The following UTRN variants were observed in gnomAD, a reference collection of about 807,000 sequenced individuals.
The protein encoded by UTRN is dystrophin-related protein 1.
Under a neutral mutation model 463.9 loss-of-function variants are expected in UTRN, and 283 were observed. That is an observed-to-expected ratio of 0.61 (90% CI 0.55 to 0.67). The LOEUF is 0.67. Among genes scored for constraint, UTRN ranks in the 30% least tolerant of loss-of-function variants. UTRN has a pLI of 0.00. For synonymous variants in UTRN, 1,442 were observed against 1,431.5 expected, an observed-to-expected ratio of 1.01 and a Z score of -0.17; for missense variants, 3,922 against 4,084.3, an observed-to-expected ratio of 0.96 and a Z score of 1.08.
At chr6:144,389,613 C>G (rs1034942264) in intron 2 of UTRN, among the ~76,000 whole-genome samples, 2 of 151,228 alleles carry the variant, frequency 1.3e-5, no homozygotes, top group African/African-American at 4.9e-5. Flanking sequence ...TTTTTTCCCC[C>G]CCTGAGACGG....
chr6:144,320,214 G>A (rs151037131), intron 2 of UTRN, among the ~76,000 whole-genome samples: 98 of 152,332 alleles, frequency 6.4e-4, no homozygotes, highest in African/African-American at 2.2e-3. Context: ...ATTCTATTGT[G>A]TCTTAACAGA....
At chr6:144,347,637 G>C (rs1777696129) in intron 2 of UTRN, among the ~76,000 whole-genome samples, 1 of 152,136 alleles carries the variant, frequency 6.6e-6, no homozygotes, top group African/African-American at 2.4e-5. Context: ...AGGGGAACAG[G>C]TGGCTGATCT....
intron 35 of UTRN, 74 bp downstream of exon 35, chr6:144,511,197 G>T: frequency 7.5e-7 from 1 of 1,337,796 alleles, no homozygotes. Context: ...ATACAACTTT[G>T]ATTAAATTTC....
chr6:144,377,148 G>A (rs973118466), intron 2 of UTRN, among the ~76,000 whole-genome samples: 7 of 151,918 alleles, frequency 4.6e-5, no homozygotes, highest in African/African-American at 7.2e-5. Flanking sequence ...AGTGATTCTC[G>A]TGCCTCAGCC....
At chr6:144,559,185 A>G (rs1328012367) in intron 50 of UTRN, among the ~76,000 whole-genome samples, 1 of 152,092 alleles carries the variant, frequency 6.6e-6, no homozygotes, top group Non-Finnish European at 1.5e-5. Context: ...GGAAGAGGCA[A>G]TTAAAAATGA....
intron 51 of UTRN, among the ~76,000 whole-genome samples, chr6:144,598,376 G>A (rs10081013): frequency 0.069 from 10,497 of 152,224 alleles, 748 homozygotes; most frequent in African/African-American, 0.18. Flanking sequence ...GGAATCAATC[G>A]AAGGGAGTGT....
At chr6:144,467,184 G>A (rs1790040749) in intron 23 of UTRN, among the ~76,000 whole-genome samples, 3 of 152,160 alleles carry the variant, frequency 2.0e-5, no homozygotes, top group African/African-American at 7.2e-5. Flanking sequence ...CTAGACTATT[G>A]CCTTTCTCTG....
chr6:144,774,998 T>G (rs1208340951), intron 60 of UTRN, among the ~76,000 whole-genome samples: 1 of 152,212 alleles, frequency 6.6e-6, no homozygotes, highest in African/African-American at 2.4e-5. Flanking sequence ...ATCTGGATTC[T>G]ATTTGTGGTT....
intron 2 of UTRN, among the ~76,000 whole-genome samples, chr6:144,365,129 C>G (rs566025957): frequency 2.0e-5 from 3 of 152,180 alleles, no homozygotes; most frequent in Non-Finnish European, 4.4e-5. Context: ...CATTGCGTAG[C>G]TCTTGATTTT....
intron 51 of UTRN, among the ~76,000 whole-genome samples, chr6:144,615,209 A>G (rs1302659362): frequency 1.3e-5 from 2 of 152,116 alleles, no homozygotes; most frequent in Non-Finnish European, 2.9e-5. Flanking sequence ...AGTATTATAT[A>G]TTATAATATT....
chr6:144,808,466 CA>C (rs1778337249), intron 65 of UTRN, among the ~76,000 whole-genome samples: 2 of 151,870 alleles, frequency 1.3e-5, no homozygotes, highest in African/African-American at 2.4e-5. Context: ...TGTAAGTAAC[CA>C]AAATTTAATT....
chr6:144,687,110 T>G (rs1176516667), intron 52 of UTRN, among the ~76,000 whole-genome samples: 2 of 152,190 alleles, frequency 1.3e-5, no homozygotes, highest in Non-Finnish European at 2.9e-5. Flanking sequence ...CATTCCTGCG[T>G]CCCTGGGATG....
Position 144,782,928 on chromosome 6 carries a change from G to A in UTRN, c.8834+805G>A, listed in dbSNP as rs565211414. Among the ~76,000 whole-genome samples the A allele has an allele frequency of 2.6e-5, 4 of 152,254 alleles. 1 individual carries two copies. The highest frequency in any genetic ancestry group is 3.9e-4 in the East Asian group (2 of 5,184). ...AACTAGAACTGGGCTGGGCACGGTG[G>A]CTCCCGCCTGTAATCCCAGCACTTT... On this transcript the variant is annotated intron_variant, in intron 61 of 74. Transcript: ENST00000367545.
intron 51 of UTRN, among the ~76,000 whole-genome samples, chr6:144,663,059 T>C (rs1410352206): frequency 6.6e-6 from 1 of 152,136 alleles, no homozygotes; most frequent in East Asian, 1.9e-4. Context: ...TCTAGTCTTC[T>C]AGAACCAGAA....
chr6:144,296,683 C>T (rs1347777861), intron 2 of UTRN, among the ~76,000 whole-genome samples: 7 of 152,234 alleles, frequency 4.6e-5, no homozygotes, highest in Admixed American at 1.3e-4. Context: ...TATTCCATTG[C>T]TGCTCGGTGA....
At chr6:144,435,798 C>A in intron 9 of UTRN, 137 bp from the exon 10 acceptor site, 1 of 820,450 alleles carries the variant, frequency 1.2e-6, no homozygotes, top group Middle Eastern at 3.7e-4. Context: ...CATGGCAGTG[C>A]CCATTTGGCT....
intron 51 of UTRN, among the ~76,000 whole-genome samples, chr6:144,664,471 C>CT (rs11446896): frequency 0.52 from 72,907 of 141,140 alleles, 20,669 homozygotes; most frequent in East Asian, 0.85. Context: ...TGTTGTCTTA[C>CT]TTTTTTTTTT....
At chr6:144,363,763 GA>G (rs143076629) in intron 2 of UTRN, among the ~76,000 whole-genome samples, 4,402 of 152,266 alleles carry the variant, frequency 0.029, 204 homozygotes, top group African/African-American at 0.099. Context: ...AAGCCTTCAT[GA>G]AAGGGGGTAC....
intron 33 of UTRN, among the ~76,000 whole-genome samples, chr6:144,497,695 A>G (rs1270882611): frequency 6.6e-6 from 1 of 151,510 alleles, no homozygotes; most frequent in African/African-American, 2.4e-5. Flanking sequence ...AAAAAAAAAA[A>G]GGTAGAAGCA....
Sources: allele counts gnomAD v4.1 joint callset (sites outside exome capture counted in the v4.1 genomes callset), GRCh38; gene constraint gnomAD v4.1.1; transcripts MANE v1.5; gene names NCBI Gene and HGNC (gene_info 2026-07-23, HGNC 2026-07-21).